CTNND2: variants seen among roughly 807,000 people sequenced by gnomAD.
CTNND2 encodes the protein catenin delta 2.
A neutral mutation model predicts 144.4 loss-of-function variants in CTNND2; 22 were observed. That is an observed-to-expected ratio of 0.15 (90% confidence interval 0.11 to 0.22). The LOEUF is 0.22. Among genes scored for constraint, CTNND2 ranks in the 10% least tolerant of loss-of-function variants. The pLI, the probability that CTNND2 is intolerant of heterozygous loss-of-function variation, is 1.00. For synonymous variants in CTNND2, 751 were observed against 695.6 expected, an observed-to-expected ratio of 1.08 and a Z score of -1.25; for missense variants, 1,353 against 1,618.8, an observed-to-expected ratio of 0.84 and a Z score of 2.82.
intron 7 of CTNND2, among the ~76,000 whole-genome samples, chr5:11,377,579 A>G (rs1434092762): frequency 7.2e-5 from 11 of 152,176 alleles, no homozygotes; most frequent in Admixed American, 7.2e-4. Flanking sequence ...AGAATTCTAT[A>G]TAAAGATGCC....
Position 11,064,090 on chromosome 5 carries a change from GA to G in CTNND2, c.2788+18605del. ...GATAAGATGACTTTAGAACTTCAGG[GA>G]ACTTGGGGGTGGGGAGGGCTGGAAG... On this transcript the variant is annotated intron_variant, in intron 16 of 21. Transcript: ENST00000304623. Among the ~76,000 whole-genome samples the G allele has an allele frequency of 2.0e-5, 3 of 152,142 alleles. No homozygotes were observed. In the East Asian group the frequency reaches 5.8e-4, roughly 30 times the overall value.
At chr5:11,732,349 A>T in intron 1 of CTNND2, 77 bp from the exon 2 acceptor site, 1 of 1,418,124 alleles carries the variant, frequency 7.1e-7, no homozygotes, top group Non-Finnish European at 9.6e-7. Flanking sequence ...CACTTTGAAG[A>T]TACACACAGA....
chr5:11,720,788 C>G (rs1786631965), intron 2 of CTNND2, among the ~76,000 whole-genome samples: 1 of 152,104 alleles, frequency 6.6e-6, no homozygotes, highest in Non-Finnish European at 1.5e-5. Context: ...TCTAGCAGTT[C>G]ATTTCAGTGT....
intron 8 of CTNND2, among the ~76,000 whole-genome samples, chr5:11,355,752 G>A (rs1049029228): frequency 6.6e-6 from 1 of 152,094 alleles, no homozygotes; most frequent in African/African-American, 2.4e-5. Context: ...GTCTCTGTTT[G>A]CAGATGGCAT....
Position 10,973,394 on chromosome 5 carries a change from G to T in CTNND2, c.*59C>A. 1 of 1,443,754 alleles carries T rather than the reference G, an allele frequency of 6.9e-7. No homozygotes were observed. The highest frequency in any genetic ancestry group is 9.1e-7 in the Non-Finnish European group (1 of 1,094,346). 89.4% of individuals were successfully genotyped at this position (1,443,754 alleles called of 1,614,324 possible). ...GCAGGAGAAAAAAACAAAACAGAAA[G>T]AAATGTCTTGTGGTATGCATGCACA... On this transcript the variant is annotated 3_prime_UTR_variant, in exon 22 of 22. Transcript: ENST00000304623. This position sits in a 1 kb window ranked among gnomAD's most constrained non-coding sequence, Gnocchi z 5.6.
At chr5:11,216,180 C>A (rs1739154818) in intron 10 of CTNND2, among the ~76,000 whole-genome samples, 1 of 152,166 alleles carries the variant, frequency 6.6e-6, no homozygotes, top group African/African-American at 2.4e-5. Flanking sequence ...GCTGAGAGAG[C>A]ATTTTCCGCA....
intron 5 of CTNND2, among the ~76,000 whole-genome samples, chr5:11,399,673 A>T (rs1446952422): frequency 6.6e-6 from 1 of 152,230 alleles, no homozygotes; most frequent in African/African-American, 2.4e-5. Flanking sequence ...TCAGTTGTGT[A>T]TTTGATCAGT....
At chr5:11,183,889 C>A (rs181974965) in intron 11 of CTNND2, among the ~76,000 whole-genome samples, 1 of 152,074 alleles carries the variant, frequency 6.6e-6, no homozygotes, top group Admixed American at 6.6e-5. Context: ...CTTTCTCACT[C>A]GCTCATGCTG....
At chr5:11,752,017 A>C (rs1788652166) in intron 1 of CTNND2, among the ~76,000 whole-genome samples, 1 of 151,766 alleles carries the variant, frequency 6.6e-6, no homozygotes, top group Non-Finnish European at 1.5e-5. Context: ...CTTCTTTTGA[A>C]AAGTGTCTGT....
intron 1 of CTNND2, among the ~76,000 whole-genome samples, chr5:11,825,195 A>C (rs1309677731): frequency 1.3e-5 from 2 of 152,226 alleles, no homozygotes; most frequent in African/African-American, 4.8e-5. Flanking sequence ...CTTTAAAAGA[A>C]CTACAGTTAA....
intron 5 of CTNND2, among the ~76,000 whole-genome samples, chr5:11,401,806 T>A (rs1760674048): frequency 6.6e-6 from 1 of 152,186 alleles, no homozygotes; most frequent in Admixed American, 6.5e-5. Context: ...AGAATGTGTG[T>A]TCTTAAGCAC....
chr5:11,744,107 T>C (rs979916221), intron 1 of CTNND2, among the ~76,000 whole-genome samples: 8 of 152,202 alleles, frequency 5.3e-5, no homozygotes, highest in African/African-American at 1.9e-4. Flanking sequence ...GGAGCAGGTC[T>C]TCCTTTGGCT....
chr5:11,770,470 G>GAAGGAA (rs1789868137), intron 1 of CTNND2, among the ~76,000 whole-genome samples: 1 of 145,842 alleles, frequency 6.9e-6, no homozygotes, highest in African/African-American at 2.8e-5. Flanking sequence ...GAAGGGGTAG[G>GAAGGAA]GGTAGGGGAA....
rs889582361 is a variant in CTNND2, at chr5:11,333,889, G to A, written c.1628+12483C>T. ...CCCTATGGCATCCTACTGGTCATAC[G>A]GGCCAGCTCTGCTTCATTTCGGGCG... On this transcript the variant is annotated intron_variant, in intron 9 of 21. Transcript: ENST00000304623. Among the ~76,000 whole-genome samples, 14 of 152,262 alleles carry A rather than the reference G, an allele frequency of 9.2e-5. No individual in the cohort carries two copies. The South Asian group carries it at 1.5e-3, about 16-fold the overall frequency.
intron 15 of CTNND2, 147 bp from the exon 16 acceptor site, chr5:11,082,993 G>A (rs1216785350): frequency 1.1e-6 from 1 of 875,136 alleles, no homozygotes; most frequent in African/African-American, 1.7e-5. Context: ...GAATACGTTA[G>A]ACATGCATTT....
At chr5:11,330,103 C>G (rs181597670) in intron 9 of CTNND2, among the ~76,000 whole-genome samples, 1 of 152,078 alleles carries the variant, frequency 6.6e-6, no homozygotes, top group East Asian at 1.9e-4. Context: ...TCCTGTTGTA[C>G]GTTGCCTGTG....
intron 9 of CTNND2, among the ~76,000 whole-genome samples, chr5:11,244,843 A>G (rs917938950): frequency 6.6e-6 from 1 of 152,204 alleles, no homozygotes; most frequent in African/African-American, 2.4e-5. Flanking sequence ...TGCTCAGCTC[A>G]TGGGGGACTA....
chr5:11,468,626 C>T (rs536573079), intron 3 of CTNND2, among the ~76,000 whole-genome samples: 1 of 152,304 alleles, frequency 6.6e-6, no homozygotes, highest in Non-Finnish European at 1.5e-5. Context: ...TCCTGCGAGG[C>T]TTTAACGTTA....
At chr5:11,517,948 C>T (rs1037345060) in intron 3 of CTNND2, among the ~76,000 whole-genome samples, 4 of 152,092 alleles carry the variant, frequency 2.6e-5, no homozygotes, top group Admixed American at 6.5e-5. Flanking sequence ...TGCAGGATTA[C>T]GTTTATATGT....
Sources: gnomAD v4.1 joint callset for allele counts (sites outside exome capture counted in the v4.1 genomes callset) on GRCh38, gnomAD v4.1.1 for gene constraint, Gnocchi (gnomAD v3.1) non-coding constraint, MANE v1.5 for transcripts, NCBI Gene and HGNC (gene_info 2026-07-23, HGNC 2026-07-21) for gene names.